RIT2: variants seen among roughly 807,000 people sequenced by gnomAD.
RIT2 encodes GTP-binding protein Rit2.
RIT2 carries 24 observed loss-of-function variants against 23.7 expected under a neutral mutation model. The observed-to-expected ratio is 1.01, with a 90% CI of 0.73 to 1.43. RIT2 has a LOEUF of 1.43. Among genes scored for constraint, RIT2 ranks in the 40% most tolerant of loss-of-function variants. The probability of loss-of-function intolerance (pLI) is 0.00; values close to 1 mark genes in which losing one functional copy is unlikely to be tolerated. For missense variants in RIT2, 236 were observed against 266.9 expected (o/e 0.88, Z 0.81); for synonymous variants, 107 against 91.1 (o/e 1.17, Z -0.99).
intron 3 of RIT2, among the ~76,000 whole-genome samples, chr18:42,965,097 T>C (rs1910184419): frequency 6.6e-6 from 1 of 152,188 alleles, no homozygotes; most frequent in African/African-American, 2.4e-5. Context: ...AAAAACTATT[T>C]AAATTTGTTT....
At chr18:43,032,129 T>C (rs985743605) in intron 2 of RIT2, among the ~76,000 whole-genome samples, 3 of 152,128 alleles carry the variant, frequency 2.0e-5, no homozygotes, top group Admixed American at 6.6e-5. Flanking sequence ...TCTAAAGCTG[T>C]TTTATTTATA....
intron 2 of RIT2, among the ~76,000 whole-genome samples, chr18:43,025,800 A>G (rs183840650): frequency 7.9e-5 from 12 of 152,170 alleles, no homozygotes; most frequent in African/African-American, 2.9e-4. Context: ...GAACATAAAG[A>G]GTGTGATAAT....
At chr18:42,769,481 G>A in intron 4 of RIT2, among the ~76,000 whole-genome samples, 1 of 151,970 alleles carries the variant, frequency 6.6e-6, no homozygotes, top group East Asian at 1.9e-4. Context: ...AATTTTAAAT[G>A]GCCAGGTTCA....
chr18:42,858,285 T>G (rs899376599), intron 4 of RIT2, among the ~76,000 whole-genome samples: 5 of 152,198 alleles, frequency 3.3e-5, no homozygotes, highest in Admixed American at 3.3e-4. Context: ...GAGGACCATC[T>G]CTGCACTTCT....
At chr18:43,080,627 T>A (rs1913135112) in intron 1 of RIT2, among the ~76,000 whole-genome samples, 1 of 152,246 alleles carries the variant, frequency 6.6e-6, no homozygotes. Flanking sequence ...AAAATTGGCA[T>A]TGACCTTAAA....
chr18:42,865,815 A>T (rs992231254), intron 4 of RIT2, among the ~76,000 whole-genome samples: 3 of 152,166 alleles, frequency 2.0e-5, no homozygotes, highest in Non-Finnish European at 4.4e-5. Context: ...TATACTCTGC[A>T]TATATTCCCA....
intron 1 of RIT2, among the ~76,000 whole-genome samples, chr18:43,089,044 A>G (rs746544017): frequency 3.3e-5 from 5 of 152,134 alleles, no homozygotes; most frequent in Non-Finnish European, 5.9e-5. Flanking sequence ...TTTTCCTGGC[A>G]GAAGATAACG....
intron 4 of RIT2, among the ~76,000 whole-genome samples, chr18:42,773,586 T>C (rs2143918905): frequency 6.6e-6 from 1 of 152,322 alleles, no homozygotes; most frequent in Non-Finnish European, 1.5e-5. Flanking sequence ...TACTACATGC[T>C]GGGTGAGTAG....
chr18:43,038,760 A>C (rs2144291044), intron 1 of RIT2, among the ~76,000 whole-genome samples: 1 of 152,264 alleles, frequency 6.6e-6, no homozygotes, highest in Admixed American at 6.5e-5. Context: ...AGCTTAAAAC[A>C]GTTGATTCCC....
chr18:42,928,269 A>G (rs1018301846), intron 3 of RIT2, among the ~76,000 whole-genome samples: 2 of 152,102 alleles, frequency 1.3e-5, no homozygotes, highest in Non-Finnish European at 2.9e-5. Context: ...CCAAGATAAA[A>G]TGAATGAATA....
intron 4 of RIT2, among the ~76,000 whole-genome samples, chr18:42,811,971 G>C (rs1219476541): frequency 6.6e-6 from 1 of 152,070 alleles, no homozygotes; most frequent in East Asian, 1.9e-4. Flanking sequence ...AAATATGAAA[G>C]TCATGGGGCT....
intron 1 of RIT2, among the ~76,000 whole-genome samples, chr18:43,100,561 C>T (rs1283667039): frequency 6.6e-6 from 1 of 152,004 alleles, no homozygotes; most frequent in Non-Finnish European, 1.5e-5. Flanking sequence ...TGGAGAAGGG[C>T]TAGTGCAAAA....
chr18:42,927,615 T>C (rs1230056383), intron 3 of RIT2, among the ~76,000 whole-genome samples: 2 of 152,024 alleles, frequency 1.3e-5, no homozygotes, highest in Non-Finnish European at 2.9e-5. Context: ...TAATATCTTC[T>C]TCATTTGCTC....
intron 4 of RIT2, among the ~76,000 whole-genome samples, chr18:42,759,372 G>C (rs1392257396): frequency 6.6e-6 from 1 of 151,908 alleles, no homozygotes; most frequent in African/African-American, 2.4e-5. Flanking sequence ...CATCTTATAT[G>C]AACTGAAAAA....
At chr18:42,764,713 T>C (rs1913380209) in intron 4 of RIT2, among the ~76,000 whole-genome samples, 1 of 152,246 alleles carries the variant, frequency 6.6e-6, no homozygotes, top group Non-Finnish European at 1.5e-5. Context: ...TTAATAAATA[T>C]TTTTTGAATG....
intron 4 of RIT2, among the ~76,000 whole-genome samples, chr18:42,859,807 T>C (rs995369439): frequency 5.9e-5 from 9 of 151,988 alleles, no homozygotes; most frequent in Admixed American, 5.9e-4. Context: ...TGTCGCCCTG[T>C]CTCCCAGGCT....
intron 1 of RIT2, among the ~76,000 whole-genome samples, chr18:43,048,846 T>G (rs1005174189): frequency 6.6e-6 from 1 of 152,180 alleles, no homozygotes; most frequent in Non-Finnish European, 1.5e-5. Flanking sequence ...TGAATACACC[T>G]TGTTTGATGT....
chr18:43,039,354 T>TC (rs1568063796), intron 1 of RIT2, among the ~76,000 whole-genome samples: 5 of 150,526 alleles, frequency 3.3e-5, no homozygotes, highest in Non-Finnish European at 4.4e-5. Flanking sequence ...CTTTTCTTTT[T>TC]TTTTTTTTTT....
At chr18:42,757,028 A>G (rs1273163654) in intron 4 of RIT2, among the ~76,000 whole-genome samples, 1 of 152,194 alleles carries the variant, frequency 6.6e-6, no homozygotes, top group African/African-American at 2.4e-5. Context: ...ATTGTCAGCA[A>G]CACCTCAATG....
Sources: gnomAD v4.1 joint callset for allele counts (sites outside exome capture counted in the v4.1 genomes callset) on GRCh38, gnomAD v4.1.1 for gene constraint, MANE v1.5 for transcripts, NCBI Gene and HGNC (gene_info 2026-07-23, HGNC 2026-07-21) for gene names.